Variants in TANGO2 observed in about 807,000 individuals in gnomAD.
The protein encoded by TANGO2 is transport and golgi organization 2 homolog.
In TANGO2, 26 loss-of-function variants were observed where a neutral mutation model predicts 39.1. That is an observed-to-expected ratio of 0.67 (90% CI 0.49 to 0.92). TANGO2 has a LOEUF of 0.92. Among genes scored for constraint, TANGO2 ranks in the 40% least tolerant of loss-of-function variants. The pLI is 0.00. For missense variants in TANGO2, 326 were observed against 360.1 expected, an observed-to-expected ratio of 0.91 and a Z score of 0.77; for synonymous variants, 131 against 144.5, an observed-to-expected ratio of 0.91 and a Z score of 0.67.
intron 2 of TANGO2, among the ~76,000 whole-genome samples, chr22:20,037,487 C>A (rs181902882): frequency 6.6e-6 from 1 of 152,168 alleles, no homozygotes; most frequent in Non-Finnish European, 1.5e-5. Context: ...TGCAACTGCT[C>A]GGGAAGTTTT....
rs900741334 is a variant in TANGO2 at position 20,027,915 on chromosome 22, CAGCCTCCTG to C, written c.-40+6672_-40+6680del. On this transcript the variant is annotated intron_variant, in intron 1 of 8. Coordinates refer to ENST00000327374, the MANE Select transcript of TANGO2 (RefSeq NM_152906.7). ...CTGGGTTCAAGTGATCCTCCTGCCTCAGCCTCCTGAGTAGCTGGGATTACAGGCCTGCAC... is the reference window on the plus strand; with the variant it reads ...CTGGGTTCAAGTGATCCTCCTGCCTCAGTAGCTGGGATTACAGGCCTGCAC... 3.3e-4 allele frequency among the ~76,000 whole-genome samples: 51 copies of C among 152,344 alleles called. 1 individual carries two copies. Among genetic ancestry groups the C allele is most frequent in the African/African-American group, 1.2e-3 (51 of 41,580 alleles).
chr22:20,019,539 G>A (rs2039418472), upstream of TANGO2, among the ~76,000 whole-genome samples: 1 of 152,228 alleles, frequency 6.6e-6, no homozygotes, highest in African/African-American at 2.4e-5. Context: ...GATGGCCCAA[G>A]GCCACAAGGT....
chr22:20,064,831 C>A lies in TANGO2; in HGVS notation c.*169C>A, dbSNP rs771634933. 1.2e-6 allele frequency: 1 copy of A among 832,154 alleles called. No homozygotes were observed. Among genetic ancestry groups the A allele is most frequent in the Non-Finnish European group, 1.8e-6 (1 of 549,706 alleles). The allele number at this position is 832,154 out of a possible 1,614,324, so 51.5% of individuals were successfully genotyped here. A position where few individuals can be genotyped will look rare whatever the true frequency, so the allele number is the denominator to read the frequency against. On this transcript the variant is annotated 3_prime_UTR_variant, in exon 9 of 9. Coordinates refer to ENST00000327374, the MANE Select transcript of TANGO2 (RefSeq NM_152906.7). ...TGTTACCCATCTGTGTCCCCATGCCCAGTTCAGGGTCTGCCTTTATGCCAG... is the reference window on the plus strand; with the variant it reads ...TGTTACCCATCTGTGTCCCCATGCCAAGTTCAGGGTCTGCCTTTATGCCAG...
intron 4 of TANGO2, 40 bp from the exon 5 acceptor site, chr22:20,053,397 G>A (rs2046763048): frequency 7.1e-7 from 1 of 1,409,854 alleles, no homozygotes; most frequent in Non-Finnish European, 1.0e-6. Context: ...AAGAGCACAT[G>A]CCTGCAGCTG....
At chr22:20,027,267 C>G (rs756606288) in intron 1 of TANGO2, among the ~76,000 whole-genome samples, 3 of 152,200 alleles carry the variant, frequency 2.0e-5, no homozygotes, top group Non-Finnish European at 4.4e-5. Context: ...CGCCTCCCAC[C>G]AGGTCCTGCC....
At chr22:20,018,920 A>C (rs917721728), upstream of TANGO2, among the ~76,000 whole-genome samples, 2 of 152,050 alleles carry the variant, frequency 1.3e-5, no homozygotes, top group African/African-American at 4.8e-5. Flanking sequence ...TCTCTACTAA[A>C]AGAATACAAA....
chr22:20,037,833 C>A (rs779331972), intron 2 of TANGO2, among the ~76,000 whole-genome samples: 1 of 152,174 alleles, frequency 6.6e-6, no homozygotes, highest in Admixed American at 6.5e-5. Context: ...CACGGTGGCT[C>A]ACGCCTGTAA....
In TANGO2 at chr22:20,056,054, T is replaced by G; in HGVS notation, c.451+41T>G. On this transcript the variant is annotated intron_variant, in intron 6 of 8. Transcript: ENST00000327374. ...CAGCCTGATGGGGTGGGGGACTGTTTCTATGCAGAGGTCACCCTTGTGCTT... is the reference window on the plus strand; with the variant it reads ...CAGCCTGATGGGGTGGGGGACTGTTGCTATGCAGAGGTCACCCTTGTGCTT... The G allele has an allele frequency of 2.0e-6, 3 of 1,515,784 alleles. No individual in the cohort carries two copies. The East Asian group carries it at 6.8e-5, about 34-fold the overall frequency. 93.9% of individuals were successfully genotyped at this position (1,515,784 alleles called of 1,614,324 possible).
chr22:20,032,617 A>T (rs1193356057), intron 1 of TANGO2, among the ~76,000 whole-genome samples: 2 of 152,238 alleles, frequency 1.3e-5, no homozygotes, highest in African/African-American at 4.8e-5. Flanking sequence ...GGCTTGGCCC[A>T]AGTGCTGAGC....
intron 2 of TANGO2, chr22:20,037,180 C>T (rs1233990931): frequency 1.8e-5 from 26 of 1,420,522 alleles, no homozygotes; most frequent in East Asian, 1.6e-4. Context: ...GGGACAACGG[C>T]GTCAGTGAGT....
At position 20,055,900 on chromosome 22, in the gene TANGO2, G is replaced by A. The variant is rs192408592; in HGVS notation, c.381-43G>A. 1.4e-5 allele frequency: 21 copies of A among 1,536,560 alleles called. No homozygotes were observed. In the Admixed American group the frequency reaches 1.7e-4, roughly 12 times the overall value. On this transcript the variant is annotated intron_variant, in intron 5 of 8. Coordinates refer to ENST00000327374, the MANE Select transcript of TANGO2 (RefSeq NM_152906.7). ...ATCACCGGGCAGTGTCGGGGAGGAC[G>A]CCCTATGGCTGTAGTCTGACATTCT...
chr22:20,040,195 G>C (rs1252888099), intron 2 of TANGO2, among the ~76,000 whole-genome samples: 1 of 152,176 alleles, frequency 6.6e-6, no homozygotes, highest in Admixed American at 6.5e-5. Context: ...CAGCAATTCA[G>C]CTAAACATGA....
At chr22:20,026,380 A>G (rs1379748853) in intron 1 of TANGO2, among the ~76,000 whole-genome samples, 1 of 142,728 alleles carries the variant, frequency 7.0e-6, no homozygotes, top group African/African-American at 2.7e-5. Context: ...CCTGGGCGAC[A>G]TAGCGAGACT....
chr22:20,024,556 G>A (rs901508922), intron 1 of TANGO2, among the ~76,000 whole-genome samples: 2 of 152,232 alleles, frequency 1.3e-5, no homozygotes, highest in Non-Finnish European at 2.9e-5. Context: ...GCTCAGCCCT[G>A]CAGCACCAGC....
intron 6 of TANGO2, 67 bp from the exon 7 acceptor site, chr22:20,061,463 C>A (rs2048365291): frequency 6.6e-7 from 1 of 1,504,294 alleles, no homozygotes; most frequent in Non-Finnish European, 8.9e-7. Flanking sequence ...AGGTGGGTGG[C>A]AGGTGGCAAT....
At chr22:20,026,891 A>T (rs1305693079) in intron 1 of TANGO2, among the ~76,000 whole-genome samples, 1 of 152,188 alleles carries the variant, frequency 6.6e-6, no homozygotes, top group African/African-American at 2.4e-5. Flanking sequence ...TCACCCATGG[A>T]TGGAGCAATT....
chr22:20,046,038 C>G (rs2045114146), intron 3 of TANGO2, among the ~76,000 whole-genome samples: 1 of 152,190 alleles, frequency 6.6e-6, no homozygotes, highest in Non-Finnish European at 1.5e-5. Context: ...AGTCTCCTCC[C>G]TGAGATGCTG....
At chr22:20,040,334 T>A (rs2043668203) in intron 2 of TANGO2, among the ~76,000 whole-genome samples, 1 of 152,256 alleles carries the variant, frequency 6.6e-6, no homozygotes, top group Non-Finnish European at 1.5e-5. Context: ...TCAGCTTTTC[T>A]TCCTACTTTT....
At chr22:20,036,248 G>A (rs2042831920) in intron 1 of TANGO2, among the ~76,000 whole-genome samples, 3 of 152,296 alleles carry the variant, frequency 2.0e-5, no homozygotes, top group South Asian at 4.1e-4. Flanking sequence ...CGGCCTATGA[G>A]GAACTGGGGG....
Sources: allele counts gnomAD v4.1 joint callset (sites outside exome capture counted in the v4.1 genomes callset), GRCh38; gene constraint gnomAD v4.1.1; transcripts MANE v1.5; gene names NCBI Gene and HGNC (gene_info 2026-07-23, HGNC 2026-07-21).